The following PTPRQ variants were observed in gnomAD, a reference collection of about 807,000 sequenced individuals.
The protein encoded by PTPRQ is phosphatidylinositol phosphatase PTPRQ.
A neutral mutation model predicts 246.0 loss-of-function variants in PTPRQ; 199 were observed. The ratio of observed to expected loss-of-function variants is 0.81; its 90% CI spans 0.72 to 0.91. The LOEUF is 0.91. Among genes scored for constraint, PTPRQ ranks in the 40% least tolerant of loss-of-function variants. PTPRQ has a pLI of 0.00. For synonymous variants in PTPRQ, 869 were observed against 853.2 expected, an observed-to-expected ratio of 1.02 and a Z score of -0.32; for missense variants, 2,624 against 2,528.4, an observed-to-expected ratio of 1.04 and a Z score of -0.81.
At chr12:80,646,405 C>A (rs1900073788) in intron 35 of PTPRQ, among the ~76,000 whole-genome samples, 2 of 152,180 alleles carry the variant, frequency 1.3e-5, no homozygotes, top group South Asian at 4.1e-4. Flanking sequence ...AATATCCACC[C>A]AAACCCATTA....
At position 80,445,735 on chromosome 12, in the gene PTPRQ, G is replaced by A; in HGVS notation, c.390+18G>A. ...AAATTAAGGTAATTATTTTGTGTAT[G>A]ACTACTTAGTGTTCAAACATTTCAT... On this transcript the variant is annotated intron_variant, in intron 3 of 44. Coordinates refer to ENST00000644991, the MANE Select transcript of PTPRQ (RefSeq NM_001145026.2). 2 of 1,424,700 alleles carry A rather than the reference G, an allele frequency of 1.4e-6. No individual in the cohort carries two copies. Among genetic ancestry groups the A allele is most frequent in the Non-Finnish European group, 1.9e-6 (2 of 1,032,422 alleles). 88.3% of individuals were successfully genotyped at this position (1,424,700 alleles called of 1,614,324 possible).
At chr12:80,656,453 CA>C (rs1434184366) in intron 38 of PTPRQ, among the ~76,000 whole-genome samples, 3 of 152,026 alleles carry the variant, frequency 2.0e-5, no homozygotes, top group African/African-American at 7.2e-5. Flanking sequence ...AATTCAGACC[CA>C]ATCCTGTTTA....
intron 29 of PTPRQ, among the ~76,000 whole-genome samples, chr12:80,614,596 T>G (rs948220946): frequency 6.6e-6 from 1 of 150,908 alleles, no homozygotes; most frequent in African/African-American, 2.4e-5. Context: ...TCAGTCACTT[T>G]GACTTTATAT....
chr12:80,489,396 C>T (rs780052117), intron 9 of PTPRQ, among the ~76,000 whole-genome samples: 62 of 151,850 alleles, frequency 4.1e-4, no homozygotes, highest in Non-Finnish European at 5.4e-4. Flanking sequence ...AGCAAGATCA[C>T]ATGAGTAAAA....
chr12:80,465,725 C>T (rs1565723174), intron 6 of PTPRQ, among the ~76,000 whole-genome samples: 1 of 151,908 alleles, frequency 6.6e-6, no homozygotes, highest in Admixed American at 6.6e-5. Flanking sequence ...AAATGTAATC[C>T]AGCATATAAA....
chr12:80,557,149 A>G (rs1403284787), intron 25 of PTPRQ, among the ~76,000 whole-genome samples: 1 of 152,134 alleles, frequency 6.6e-6, no homozygotes, highest in African/African-American at 2.4e-5. Context: ...GTAATACAGA[A>G]TAAAATCTCC....
intron 25 of PTPRQ, among the ~76,000 whole-genome samples, chr12:80,583,276 G>C (rs1008893222): frequency 6.6e-6 from 1 of 152,098 alleles, no homozygotes. Context: ...GAGAAAATCT[G>C]TTATGTACAT....
intron 35 of PTPRQ, among the ~76,000 whole-genome samples, chr12:80,648,576 C>A (rs997263908): frequency 4.6e-5 from 7 of 151,852 alleles, no homozygotes; most frequent in African/African-American, 1.7e-4. Flanking sequence ...CACTAAATAC[C>A]ATGCAATATA....
Position 80,468,832 on chromosome 12 carries a change from C to T in PTPRQ, c.1033C>T (p.Pro345Ser). 6.5e-7 allele frequency: 1 copy of T among 1,547,586 alleles called. No individual in the cohort carries two copies. Among genetic ancestry groups the T allele is most frequent in the Non-Finnish European group, 8.7e-7 (1 of 1,145,392 alleles). The part of the protein sequence containing the change: ...KFSYRVELYG[P>S]SGRILDNSTK... Reference sequence around the variant, plus strand: ...TAGTTATAGAGTTGAATTATATGGACCATCAGGTAAGCCTTAATTGGTTTT... The same window carrying T: ...TAGTTATAGAGTTGAATTATATGGATCATCAGGTAAGCCTTAATTGGTTTT... The change falls in exon 7 of 45, where the codon CCA becomes TCA. Residue 345 changes from proline to serine, a missense_variant. Pro to Ser is a moderately conservative substitution (Grantham distance 74). Coordinates refer to ENST00000644991, the MANE Select transcript of PTPRQ (RefSeq NM_001145026.2).
intron 6 of PTPRQ, among the ~76,000 whole-genome samples, chr12:80,467,871 G>A (rs1017061527): frequency 3.3e-5 from 5 of 152,074 alleles, no homozygotes; most frequent in East Asian, 1.9e-4. Flanking sequence ...GTGGGGGCAG[G>A]GGGGAGGTAT....
intron 11 of PTPRQ, 29 bp from the exon 12 acceptor site, chr12:80,495,163 T>A: frequency 1.3e-6 from 2 of 1,547,614 alleles, no homozygotes; most frequent in Non-Finnish European, 1.7e-6. Context: ...TACTTTTTTT[T>A]CATTCATATG....
intron 17 of PTPRQ, among the ~76,000 whole-genome samples, chr12:80,515,364 A>G (rs771280536): frequency 2.6e-5 from 4 of 152,038 alleles, no homozygotes; most frequent in Non-Finnish European, 4.4e-5. Context: ...CTCAGTTGCC[A>G]TTATTTCAGC....
chr12:80,505,019 A>C (rs1203608792), intron 14 of PTPRQ, among the ~76,000 whole-genome samples: 1 of 151,744 alleles, frequency 6.6e-6, no homozygotes, highest in East Asian at 1.9e-4. Context: ...ATCCCCTAGA[A>C]TTTTTCAGTA....
At chr12:80,634,168 C>G (rs1459314735) in intron 34 of PTPRQ, among the ~76,000 whole-genome samples, 1 of 152,142 alleles carries the variant, frequency 6.6e-6, no homozygotes, top group Non-Finnish European at 1.5e-5. Flanking sequence ...GAAATCTTGC[C>G]TCTCAACTAA....
chr12:80,566,465 G>A (rs937817013), intron 25 of PTPRQ, among the ~76,000 whole-genome samples: 3 of 151,898 alleles, frequency 2.0e-5, no homozygotes, highest in Admixed American at 2.0e-4. Flanking sequence ...GGGACAGAGC[G>A]AGACTCCATC....
chr12:80,481,330 C>T (rs1005852000), intron 8 of PTPRQ, among the ~76,000 whole-genome samples: 4 of 152,182 alleles, frequency 2.6e-5, no homozygotes, highest in Non-Finnish European at 5.9e-5. Flanking sequence ...AACAATCCTT[C>T]ATGCTAAAAA....
At chr12:80,462,233 G>T (rs543075084) in intron 6 of PTPRQ, among the ~76,000 whole-genome samples, 44 of 152,232 alleles carry the variant, frequency 2.9e-4, no homozygotes, top group African/African-American at 9.4e-4. Flanking sequence ...GGCTCAGGGG[G>T]TCCTACCCCC....
chr12:80,637,305 T>A (rs1899692795), intron 35 of PTPRQ, among the ~76,000 whole-genome samples: 1 of 152,210 alleles, frequency 6.6e-6, no homozygotes, highest in East Asian at 1.9e-4. Context: ...TATTTATAAT[T>A]CAGGGTCTAC....
At chr12:80,461,033 C>A in intron 6 of PTPRQ, 131 bp downstream of exon 6, 1 of 388,660 alleles carries the variant, frequency 2.6e-6, no homozygotes, top group Admixed American at 4.4e-5. Context: ...CCATAGGCAT[C>A]CCATCAAGGG....
Sources: allele counts gnomAD v4.1 joint callset (sites outside exome capture counted in the v4.1 genomes callset), GRCh38; gene constraint gnomAD v4.1.1; transcripts MANE v1.5; gene names NCBI Gene and HGNC (gene_info 2026-07-23, HGNC 2026-07-21).